KDM3A: variants seen among roughly 807,000 people sequenced by gnomAD.
KDM3A encodes the protein lysine demethylase 3A, also known as lysine-specific demethylase 3A.
In KDM3A, 60 loss-of-function variants were observed where a neutral mutation model predicts 158.0. The observed-to-expected ratio is 0.38, with a 90% CI of 0.31 to 0.47. KDM3A has a LOEUF of 0.47. KDM3A is among the 20% of genes least tolerant of loss of function. KDM3A has a pLI of 0.99. For synonymous variants in KDM3A, 608 were observed against 549.3 expected (o/e 1.11, Z -1.49); for missense variants, 1,319 against 1,574.3 (o/e 0.84, Z 2.74).
At chr2:86,456,302 C>G (rs1397962630) in intron 5 of KDM3A, 140 bp from the exon 6 acceptor site, 1 of 618,916 alleles carries the variant, frequency 1.6e-6, no homozygotes. Flanking sequence ...TGTCAGTCAT[C>G]TTATGTTTGT....
At chr2:86,468,482 G>A (rs1034428097) in intron 10 of KDM3A, among the ~76,000 whole-genome samples, 2 of 152,100 alleles carry the variant, frequency 1.3e-5, no homozygotes, top group Non-Finnish European at 2.9e-5. Flanking sequence ...AGTGAGTTAC[G>A]GAGTCCAGCT....
At chr2:86,468,359 TTTG>T (rs1673252049) in intron 10 of KDM3A, among the ~76,000 whole-genome samples, 1 of 152,318 alleles carries the variant, frequency 6.6e-6, no homozygotes, top group South Asian at 2.1e-4. Flanking sequence ...CCTTGTTCTA[TTTG>T]TTGTTTTTGA....
In KDM3A at chr2:86,474,945, A is replaced by C; in HGVS notation, c.1894A>C (p.Met632Leu). ...CAACATTGGAGACCACTTCTGTCAA[A>C]TGGTGATTTCTGAAAAGGAAGCTAT... ...LANIGDHFCQ[M>L]VISEKEAMST... The change falls in exon 12 of 26, where the codon ATG becomes CTG. Residue 632 changes from methionine to leucine, a missense_variant. Physicochemically the swap from Met to Leu is conservative, Grantham distance 15. Coordinates refer to ENST00000312912, the MANE Select transcript of KDM3A (RefSeq NM_018433.6). 4 of 1,614,112 alleles carry C rather than the reference A, an allele frequency of 2.5e-6. No individual in the cohort carries two copies. Among genetic ancestry groups the C allele is most frequent in the Non-Finnish European group, 3.4e-6 (4 of 1,180,016 alleles).
chr2:86,471,830 A>C (rs1673426793), intron 11 of KDM3A, among the ~76,000 whole-genome samples: 1 of 152,250 alleles, frequency 6.6e-6, no homozygotes, highest in Non-Finnish European at 1.5e-5. Context: ...GTATGTTAAC[A>C]TATGCATATA....
In KDM3A at chr2:86,442,526, G is replaced by A. The variant is rs111924582; in HGVS notation, c.186+293G>A. On this transcript the variant is annotated intron_variant, in intron 2 of 25. Transcript: ENST00000312912. ...GGACTGTCTCATCTTTACTGCAGAG[G>A]AGGAGGAGTATTTTTGTTAGCGTTA... is the stretch of plus-strand genomic sequence containing the variant. 344 of 260,910 alleles carry A rather than the reference G, an allele frequency of 1.3e-3. 2 individuals are homozygous for A. The highest frequency in any genetic ancestry group is 7.3e-3 in the African/African-American group (328 of 44,810). The allele number at this position is 260,910 out of a possible 1,614,324, so 16.2% of individuals were successfully genotyped here.
intron 10 of KDM3A, among the ~76,000 whole-genome samples, chr2:86,469,207 T>C: frequency 6.6e-6 from 1 of 152,178 alleles, no homozygotes; most frequent in East Asian, 1.9e-4. Context: ...CTAAGGTAAT[T>C]ATTGAAGATG....
chr2:86,484,868 A>G lies in KDM3A; in HGVS notation c.3095-74A>G. On this transcript the variant is annotated intron_variant, in intron 19 of 25. Coordinates refer to ENST00000312912, the MANE Select transcript of KDM3A (RefSeq NM_018433.6). ...TTTTATTTGTATTGTTGAGGCATAA[A>G]ATGCTAATTTGTCATTTATTTTGGT... 3.4e-6 allele frequency: 3 copies of G among 877,026 alleles called. No homozygotes were observed. The South Asian group carries it at 4.9e-5, about 14-fold the overall frequency. The allele number at this position is 877,026 out of a possible 1,614,324, so 54.3% of individuals were successfully genotyped here.
rs765790081 is a variant in KDM3A at position 86,482,622 on chromosome 2, C to T, written c.2850C>T (p.Arg950=). 9.3e-6 allele frequency: 15 copies of T among 1,614,094 alleles called. No homozygotes were observed. Among genetic ancestry groups the T allele is most frequent in the South Asian group, 1.1e-5 (1 of 91,084 alleles). Residue 950 remains arginine (R), a synonymous_variant, in exon 18 of 26, where the codon CGC becomes CGT. Coordinates refer to ENST00000312912, the MANE Select transcript of KDM3A (RefSeq NM_018433.6). ...CTCACTATTGGCTTTGTGATAATCG[C>T]TTGCTGTGCTTGCAAGACCCCAACA... The part of the protein sequence containing the change: ...DTPHYWLCDN[R]LLCLQDPNNK...
chr2:86,452,195 C>CTTTTTTTTTTTT (rs35158232), intron 4 of KDM3A, among the ~76,000 whole-genome samples: 1 of 138,666 alleles, frequency 7.2e-6, no homozygotes, highest in African/African-American at 2.7e-5. Flanking sequence ...CATTTTTGTG[C>CTTTTTTTTTTTT]TTTTTTTTTT....
intron 23 of KDM3A, 70 bp from the exon 24 acceptor site, chr2:86,490,811 T>G (rs1674417607): frequency 1.6e-6 from 2 of 1,213,944 alleles, no homozygotes; most frequent in Admixed American, 2.4e-5. Context: ...CAACACTGTT[T>G]AGAGGAAAAA....
chr2:86,460,869 C>A (rs1243993247), intron 8 of KDM3A: 2 of 152,010 alleles, frequency 1.3e-5, no homozygotes, highest in Non-Finnish European at 2.9e-5. Context: ...AGTCAGAGGC[C>A]AGTGCGGAGG....
intron 18 of KDM3A, 58 bp from the exon 19 acceptor site, chr2:86,483,929 C>A (rs1239780589): frequency 2.9e-6 from 4 of 1,396,180 alleles, no homozygotes; most frequent in Non-Finnish European, 4.0e-6. Flanking sequence ...GGACTGCCTT[C>A]GGGAGTGGGG....
intron 8 of KDM3A, among the ~76,000 whole-genome samples, chr2:86,459,642 A>G (rs553201974): frequency 6.6e-6 from 1 of 152,272 alleles, no homozygotes; most frequent in Non-Finnish European, 1.5e-5. Context: ...TGTGTCAGCA[A>G]TGAGAAAGGT....
chr2:86,442,487 G>A (rs546473414), intron 2 of KDM3A: 23 of 409,614 alleles, frequency 5.6e-5, no homozygotes, highest in Middle Eastern at 1.3e-3. Context: ...TAATGCCGGT[G>A]CTGTGTCCCA....
intron 5 of KDM3A, 49 bp downstream of exon 5, chr2:86,455,236 G>A (rs1324115073): frequency 2.0e-6 from 2 of 1,006,272 alleles, no homozygotes; most frequent in Admixed American, 2.4e-5. Context: ...CCAATGATTA[G>A]CTTGTGAGAA....
rs769956513 is a variant in KDM3A at position 86,484,067 on chromosome 2, G to C, written c.3003G>C (p.Glu1001Asp). ...AATCCTTCAGGAAAGAGTTTGGTGAGCAGGAAGTAGACCTAGTTAATTGTA... is the reference window on the plus strand; with the variant it reads ...AATCCTTCAGGAAAGAGTTTGGTGACCAGGAAGTAGACCTAGTTAATTGTA... ...KPESFRKEFG[E>D]QEVDLVNCRT... is the part of the protein sequence containing the mutation. The change falls in exon 19 of 26, where the codon GAG (glutamate) becomes GAC (aspartate). Residue 1001 changes from glutamate to aspartate, a missense_variant. By Grantham distance (45) the Glu-to-Asp change is conservative. Transcript: ENST00000312912. The C allele has an allele frequency of 1.2e-6, 2 of 1,613,986 alleles. No individual in the cohort carries two copies. Among genetic ancestry groups the C allele is most frequent in the Non-Finnish European group, 1.7e-6 (2 of 1,179,882 alleles).
Position 86,484,958 on chromosome 2 carries a change from A to G in KDM3A, c.3111A>G (p.Glu1037=), listed in dbSNP as rs148246875. The G allele has an allele frequency of 1.1e-3, 1,706 of 1,606,168 alleles. 17 individuals are homozygous for G. The highest frequency in any genetic ancestry group is 2.4e-4 in the Non-Finnish European group (281 of 1,173,004). The part of the protein sequence containing the change: ...FEDVPNRLKN[E]KEPMVLKLKD... ...ACCTTTCAGATCGTTTGAAAAATGA[A>G]AAAGAACCAATGGTGTTGAAACTTA... Residue 1037 remains glutamate (E), a synonymous_variant, in exon 20 of 26, where the codon GAA becomes GAG. Coordinates refer to ENST00000312912, the MANE Select transcript of KDM3A (RefSeq NM_018433.6).
chr2:86,459,333 T>C (rs1672831889), intron 8 of KDM3A, among the ~76,000 whole-genome samples: 1 of 152,166 alleles, frequency 6.6e-6, no homozygotes. Context: ...AAACAGGATA[T>C]AATAATAATT....
chr2:86,481,265 A>T (rs550538270), intron 16 of KDM3A, among the ~76,000 whole-genome samples: 1 of 152,268 alleles, frequency 6.6e-6, no homozygotes, highest in African/African-American at 2.4e-5. Flanking sequence ...AGTTTTTTTG[A>T]GACGGAATCT....
Sources: allele counts gnomAD v4.1 joint callset (sites outside exome capture counted in the v4.1 genomes callset), GRCh38; gene constraint gnomAD v4.1.1; transcripts MANE v1.5; gene names NCBI Gene and HGNC (gene_info 2026-07-23, HGNC 2026-07-21).